The following MYOM1 variants were observed in gnomAD, a reference collection of about 807,000 sequenced individuals.
MYOM1 encodes the protein myomesin-1.
Under a neutral mutation model 205.3 loss-of-function variants are expected in MYOM1, and 164 were observed. The observed-to-expected ratio is 0.80, with a 90% CI of 0.70 to 0.91. The LOEUF is 0.91. MYOM1 is among the 40% of genes least tolerant of loss of function. The probability of loss-of-function intolerance (pLI) is 0.00; values close to 1 mark genes in which losing one functional copy is unlikely to be tolerated. For missense variants in MYOM1, 2,011 were observed against 2,127.3 expected (o/e 0.95, Z 1.08); for synonymous variants, 772 against 789.4 (o/e 0.98, Z 0.37).
the MYOM1 span, among the ~76,000 whole-genome samples, chr18:3,231,534 CTTTTTTTTTT>C: frequency 7.5e-5 from 9 of 120,196 alleles, no homozygotes; most frequent in Non-Finnish European, 1.0e-4. Context: ...AATATGCATC[CTTTTTTTTTT>C]TTTTTTTTTT....
At chr18:3,129,587 A>C in intron 17 of MYOM1, 68 bp from the exon 18 acceptor site, 7 of 1,482,500 alleles carry the variant, frequency 4.7e-6, no homozygotes, top group Non-Finnish European at 6.3e-6. Flanking sequence ...CTTATAGGAT[A>C]GAACAAAGAG....
chr18:3,155,744 T>C (rs1176623404), intron 10 of MYOM1, among the ~76,000 whole-genome samples: 3 of 152,120 alleles, frequency 2.0e-5, no homozygotes, highest in East Asian at 1.9e-4. Context: ...ATGACATTGA[T>C]TGTGCAACGT....
At chr18:3,139,053 G>C (rs2080011677) in intron 14 of MYOM1, among the ~76,000 whole-genome samples, 1 of 152,190 alleles carries the variant, frequency 6.6e-6, no homozygotes, top group South Asian at 2.1e-4. Context: ...GCTAACAGGG[G>C]AGGATAGCTT....
rs1344271812 is a variant in MYOM1 at position 3,151,912 on chromosome 18, T to C, written c.1644-19A>G. ...CTCACACCTAAAGGAATGAGCGTGA[T>C]TGACAAAAATATTAAAAGAAGTATG... On this transcript the variant is annotated intron_variant, in intron 11 of 37. Transcript: ENST00000356443. 9 of 1,603,136 alleles carry C rather than the reference T, an allele frequency of 5.6e-6. No homozygotes were observed. Among genetic ancestry groups the C allele is most frequent in the African/African-American group, 1.3e-5 (1 of 74,666 alleles).
chr18:3,134,597 G>A, intron 16 of MYOM1, 53 bp downstream of exon 16: 1 of 1,543,498 alleles, frequency 6.5e-7, no homozygotes, highest in Non-Finnish European at 8.8e-7. Flanking sequence ...TGCCGTATGT[G>A]TCTATGGCAG....
intron 36 of MYOM1, among the ~76,000 whole-genome samples, chr18:3,074,371 C>T (rs1010712864): frequency 1.3e-5 from 2 of 152,116 alleles, no homozygotes; most frequent in African/African-American, 4.8e-5. Flanking sequence ...GCACATGGAG[C>T]CCTGTGGGGA....
In MYOM1 at chr18:3,129,294, G is replaced by A; in HGVS notation, c.2732C>T (p.Pro911Leu). Residue 911 changes from proline (P) to leucine (L), a missense_variant, in exon 18 of 38, where the codon CCA becomes CTA. Physicochemically the swap from Pro to Leu is moderately conservative, Grantham distance 98. Transcript: ENST00000356443. ...TTTCCCCTGAGGAGCCGCTTTCTGTGGTGGCGGGGTAAGCTCTTCCTGAAC... is the reference window on the plus strand; with the variant it reads ...TTTCCCCTGAGGAGCCGCTTTCTGTAGTGGCGGGGTAAGCTCTTCCTGAAC... ...ETVQEELTPP[P>L]QKAAPQGKSK... The A allele has an allele frequency of 6.2e-7, 1 of 1,613,942 alleles. No homozygotes were observed. Among genetic ancestry groups the A allele is most frequent in the East Asian group, 2.2e-5 (1 of 44,878 alleles).
chr18:3,152,823 T>A lies in MYOM1; in HGVS notation c.1644-930A>T, dbSNP rs1198492461. On this transcript the variant is annotated intron_variant, in intron 11 of 37. Transcript: ENST00000356443. This position sits in a 1 kb window ranked among gnomAD's most constrained non-coding sequence, Gnocchi z 4.3. ...AGTGGCAGGACAGAGGTGGCTGGTG[T>A]GGGGGGTGTATCTCCCCTCCTCACA... is the stretch of plus-strand genomic sequence containing the variant. Among the ~76,000 whole-genome samples, 1 of 152,100 alleles carries A rather than the reference T, an allele frequency of 6.6e-6. No homozygotes were observed. Among genetic ancestry groups the A allele is most frequent in the African/African-American group, 2.4e-5 (1 of 41,390 alleles).
rs191169556 is a variant in MYOM1 at position 3,124,620 on chromosome 18, C to T, written c.2991+2081G>A. Among the ~76,000 whole-genome samples the T allele has an allele frequency of 1.2e-4, 19 of 152,182 alleles. No homozygotes were observed. In the East Asian group the frequency reaches 1.5e-3, roughly 12 times the overall value. Reference sequence around the variant, plus strand: ...CTGGGATTACAGGCGTGAGCCACCGCGCCCGGCCCCAAACTTTTCAATAGA... The same window carrying T: ...CTGGGATTACAGGCGTGAGCCACCGTGCCCGGCCCCAAACTTTTCAATAGA... On this transcript the variant is annotated intron_variant, in intron 19 of 37. Transcript: ENST00000356443.
At chr18:3,206,502 T>C (rs1286476758) in intron 2 of MYOM1, among the ~76,000 whole-genome samples, 6 of 152,190 alleles carry the variant, frequency 3.9e-5, no homozygotes, top group African/African-American at 1.4e-4. Flanking sequence ...TCGCTGGGAA[T>C]TTGCATTCTC....
At chr18:3,236,201 T>C in the MYOM1 span, among the ~76,000 whole-genome samples, 1 of 152,134 alleles carries the variant, frequency 6.6e-6, no homozygotes, top group Non-Finnish European at 1.5e-5. Context: ...GGCAGAACAA[T>C]GATGTGCTCT....
At chr18:3,235,068 T>A in the MYOM1 span, among the ~76,000 whole-genome samples, 1 of 152,068 alleles carries the variant, frequency 6.6e-6, no homozygotes, top group Non-Finnish European at 1.5e-5. Flanking sequence ...GACATACTTT[T>A]GATATTGTTT....
intron 12 of MYOM1, among the ~76,000 whole-genome samples, chr18:3,151,265 G>A (rs1166841372): frequency 6.6e-6 from 1 of 151,498 alleles, no homozygotes; most frequent in African/African-American, 2.4e-5. Context: ...TGCTCTAAGG[G>A]TGGACTCCAA....
At chr18:3,093,308 C>T (rs961208999) in intron 26 of MYOM1, among the ~76,000 whole-genome samples, 1 of 152,132 alleles carries the variant, frequency 6.6e-6, no homozygotes, top group Non-Finnish European at 1.5e-5. Flanking sequence ...AGGTCAGTGC[C>T]CCTGAACCCC....
At chr18:3,170,495 T>C (rs555983812) in intron 8 of MYOM1, among the ~76,000 whole-genome samples, 1 of 152,288 alleles carries the variant, frequency 6.6e-6, no homozygotes, top group South Asian at 2.1e-4. Flanking sequence ...ATGATCTGAG[T>C]GATAAATATT....
intron 14 of MYOM1, among the ~76,000 whole-genome samples, chr18:3,139,400 T>A (rs377019354): frequency 4.6e-5 from 7 of 152,096 alleles, no homozygotes; most frequent in Non-Finnish European, 1.5e-5. Context: ...CAAGGACTGA[T>A]TTATCTGAGT....
chr18:3,164,201 C>A (rs2080436620), intron 10 of MYOM1, 77 bp downstream of exon 10: 1 of 1,440,924 alleles, frequency 6.9e-7, no homozygotes, highest in Non-Finnish European at 9.5e-7. Flanking sequence ...CATGTTTGAA[C>A]TGTTTTGTAA....
chr18:3,102,269 G>C (rs1419837535), intron 23 of MYOM1, among the ~76,000 whole-genome samples: 1 of 152,056 alleles, frequency 6.6e-6, no homozygotes, highest in Admixed American at 6.6e-5. Flanking sequence ...CTCCCAAAGT[G>C]CTGGGATTAG....
At chr18:3,198,081 A>C (rs79208993) in intron 2 of MYOM1, among the ~76,000 whole-genome samples, 2 of 139,112 alleles carry the variant, frequency 1.4e-5, no homozygotes, top group African/African-American at 5.2e-5. Flanking sequence ...CACAAAAAAA[A>C]ACTCATTAAA....
Sources: gnomAD v4.1 joint callset for allele counts (sites outside exome capture counted in the v4.1 genomes callset) on GRCh38, gnomAD v4.1.1 for gene constraint, Gnocchi (gnomAD v3.1) non-coding constraint, MANE v1.5 for transcripts, NCBI Gene and HGNC (gene_info 2026-07-23, HGNC 2026-07-21) for gene names.